Variants in DMD observed in about 807,000 individuals in gnomAD.
DMD encodes the protein mutant dystrophin.
DMD carries 63 observed loss-of-function variants against 330.1 expected under a neutral mutation model. The ratio of observed to expected loss-of-function variants is 0.19; its 90% CI spans 0.16 to 0.24. The LOEUF (loss-of-function observed/expected upper bound fraction) is 0.24. DMD is among the 10% of genes least tolerant of loss of function. The pLI is 1.00. For synonymous variants in DMD, 1,223 were observed against 959.8 expected (o/e 1.27, Z -5.07); for missense variants, 3,344 against 2,684.1 (o/e 1.25, Z -5.43).
At chrX:32,401,523 A>T (rs776128394) in intron 30 of DMD, among the ~76,000 whole-genome samples, 88 of 111,236 alleles carry the variant, frequency 7.9e-4, no homozygotes, top group Non-Finnish European at 1.4e-3. Context: ...AAGATAATTG[A>T]ACTATGGAGA....
At chrX:32,167,302 A>G (rs1344657479) in intron 44 of DMD, among the ~76,000 whole-genome samples, 1 of 112,576 alleles carries the variant, frequency 8.9e-6, no homozygotes, top group African/African-American at 3.2e-5. Context: ...ATTTAATGGT[A>G]TATTTACCTG....
At chrX:32,236,578 G>A (rs183447093) in intron 43 of DMD, among the ~76,000 whole-genome samples, 11 of 111,297 alleles carry the variant, frequency 9.9e-5, no homozygotes, top group Admixed American at 9.5e-4. Context: ...TGCTGTTCTC[G>A]TGATAGTAAA....
At chrX:31,962,624 A>G (rs2150156138) in intron 45 of DMD, among the ~76,000 whole-genome samples, 1 of 111,925 alleles carries the variant, frequency 8.9e-6, no homozygotes, top group Non-Finnish European at 1.9e-5. Flanking sequence ...CCAGATCTAA[A>G]TTTTCAAAAG....
chrX:31,514,009 G>T (rs2071927199), intron 55 of DMD, among the ~76,000 whole-genome samples: 1 of 112,020 alleles, frequency 8.9e-6, no homozygotes, highest in South Asian at 3.7e-4. Context: ...AAGTTTAGTT[G>T]TTGGTGGTAG....
chrX:31,538,045 T>C (rs1490798996), intron 55 of DMD, among the ~76,000 whole-genome samples: 1 of 112,208 alleles, frequency 8.9e-6, no homozygotes, highest in Non-Finnish European at 1.9e-5. Flanking sequence ...GGCCCCATGC[T>C]GGACATTGTA....
intron 7 of DMD, among the ~76,000 whole-genome samples, chrX:32,803,735 G>A (rs1044529700): frequency 1.8e-5 from 2 of 111,914 alleles, no homozygotes; most frequent in Non-Finnish European, 3.8e-5. Flanking sequence ...AGTCACCCAG[G>A]AGCAGGTTTG....
intron 7 of DMD, among the ~76,000 whole-genome samples, chrX:32,801,532 T>C (rs1007225488): frequency 1.8e-5 from 2 of 112,297 alleles, no homozygotes; most frequent in African/African-American, 6.5e-5. Flanking sequence ...ATTTGTCAAT[T>C]TTGGCTTTTC....
At chrX:31,986,338 A>G (rs2095508819) in intron 44 of DMD, among the ~76,000 whole-genome samples, 1 of 111,957 alleles carries the variant, frequency 8.9e-6, no homozygotes, top group African/African-American at 3.2e-5. Flanking sequence ...ACAGAACTCA[A>G]GAAAACATCA....
chrX:31,310,391 A>AT (rs1210055282), intron 62 of DMD, among the ~76,000 whole-genome samples: 70 of 104,164 alleles, frequency 6.7e-4, no homozygotes, highest in African/African-American at 1.6e-3. Flanking sequence ...CTATTATTTG[A>AT]TTTTTTTTTT....
chrX:31,655,295 G>A (rs768837885), intron 54 of DMD, among the ~76,000 whole-genome samples: 2 of 111,296 alleles, frequency 1.8e-5, no homozygotes, highest in Non-Finnish European at 3.8e-5. Context: ...GTGGTTACCT[G>A]ATGCTGGGAA....
intron 43 of DMD, among the ~76,000 whole-genome samples, chrX:32,283,521 A>G (rs891125767): frequency 2.7e-5 from 3 of 111,706 alleles, no homozygotes; most frequent in African/African-American, 9.8e-5. Flanking sequence ...CTCTCCAAGG[A>G]TTCAAGAATC....
intron 1 of DMD, among the ~76,000 whole-genome samples, chrX:33,269,311 A>T (rs1023608853): frequency 9.0e-6 from 1 of 111,483 alleles, no homozygotes; most frequent in African/African-American, 3.3e-5. Context: ...GCTGGAGGAC[A>T]TTATATTAAG....
At chrX:31,172,479 C>G in intron 72 of DMD, 66 bp from the exon 73 acceptor site, 1 of 809,590 alleles carries the variant, frequency 1.2e-6, no homozygotes, top group Non-Finnish European at 1.9e-6. Context: ...AAGACCTAAT[C>G]GAACATTCCT....
chrX:31,278,261 C>A (rs2052339522), intron 62 of DMD, among the ~76,000 whole-genome samples: 1 of 111,568 alleles, frequency 9.0e-6, no homozygotes, highest in Non-Finnish European at 1.9e-5. Flanking sequence ...GCCCACTGGA[C>A]AATCATGCAT....
intron 44 of DMD, among the ~76,000 whole-genome samples, chrX:31,999,007 A>T (rs918885381): frequency 1.2e-4 from 13 of 111,461 alleles, no homozygotes; most frequent in Admixed American, 8.6e-4. Flanking sequence ...GGGAATAACT[A>T]GCGGATACTT....
At chrX:32,820,710 G>T (rs181728513) in intron 5 of DMD, among the ~76,000 whole-genome samples, 24 of 111,560 alleles carry the variant, frequency 2.2e-4, no homozygotes, top group Admixed American at 1.9e-3. Context: ...AGCGGGATCT[G>T]CAAACTGGAT....
At chrX:32,531,149 A>G (rs747507573) in intron 17 of DMD, among the ~76,000 whole-genome samples, 2 of 111,874 alleles carry the variant, frequency 1.8e-5, no homozygotes, top group South Asian at 7.4e-4. Flanking sequence ...TAGATAAAAT[A>G]GTGTACAAAT....
At chrX:33,108,131 C>G (rs1466498671) in intron 1 of DMD, among the ~76,000 whole-genome samples, 1 of 104,905 alleles carries the variant, frequency 9.5e-6, no homozygotes, top group Non-Finnish European at 1.9e-5. Flanking sequence ...ATACGTAGAA[C>G]AAATAACAAA....
At chrX:32,697,838 GT>G (rs2063768786) in intron 9 of DMD, 31 bp downstream of exon 9, 1 of 1,208,862 alleles carries the variant, frequency 8.3e-7, no homozygotes, top group African/African-American at 1.7e-5. Flanking sequence ...CAGTTCTCTG[GT>G]TTGTACAACA....
Sources: allele counts gnomAD v4.1 joint callset (sites outside exome capture counted in the v4.1 genomes callset), GRCh38; gene constraint gnomAD v4.1.1; transcripts MANE v1.5; gene names NCBI Gene and HGNC (gene_info 2026-07-23, HGNC 2026-07-21).